Variants in TXNDC15 observed in about 807,000 individuals in gnomAD.
The protein encoded by TXNDC15 is thioredoxin domain containing 15.
Under a neutral mutation model 35.0 loss-of-function variants are expected in TXNDC15, and 24 were observed. The ratio of observed to expected loss-of-function variants is 0.68; its 90% CI spans 0.50 to 0.96. TXNDC15 has a LOEUF of 0.96. Among genes scored for constraint, TXNDC15 ranks in the 40% least tolerant of loss-of-function variants. The pLI is 0.00. For synonymous variants in TXNDC15, 169 were observed against 174.0 expected (o/e 0.97, Z 0.23); for missense variants, 385 against 453.3 (o/e 0.85, Z 1.37).
intron 4 of TXNDC15, 48 bp from the exon 5 acceptor site, chr5:134,899,441 G>A (rs1166512510): frequency 6.4e-7 from 1 of 1,550,674 alleles, no homozygotes; most frequent in Non-Finnish European, 8.8e-7. Context: ...AAAAATCTGT[G>A]GTGGGTGCTT....
At chr5:134,881,203 T>TTTATTTATTTA (rs1561897025) in intron 1 of TXNDC15, among the ~76,000 whole-genome samples, 28 of 28,908 alleles carry the variant, frequency 9.7e-4, no homozygotes, top group African/African-American at 2.9e-3. Context: ...TTATTTATTT[T>TTTATTTATTTA]TTTATTGATC....
rs1750429549 is a variant in TXNDC15, at chr5:134,893,507, C to T, written c.607C>T (p.Leu203=). 1.9e-6 allele frequency: 3 copies of T among 1,614,092 alleles called. No individual in the cohort carries two copies. The highest frequency in any genetic ancestry group is 2.5e-6 in the Non-Finnish European group (3 of 1,180,040). ...TTTACCACAGGACCTTATGGATTTT[C>T]TGAACCCAAACGGTAGTGACTGTAC... ...LNMSQDLMDF[L]NPNGSDCTLV... is the part of the protein sequence containing the mutation. The change falls in exon 3 of 5, where the codon CTG becomes TTG. Residue 203 remains leucine (L), a synonymous_variant. Transcript: ENST00000358387.
rs368839750 is a variant in TXNDC15, at chr5:134,884,347, C to G, written c.104-3348C>G. 3.8e-4 allele frequency among the ~76,000 whole-genome samples: 56 copies of G among 146,050 alleles called. No individual in the cohort carries two copies. In the East Asian group the frequency reaches 8.7e-3, roughly 23 times the overall value. On this transcript the variant is annotated intron_variant, in intron 1 of 4. Coordinates refer to ENST00000358387, the MANE Select transcript of TXNDC15 (RefSeq NM_024715.4). ...CACCACAACCTCTGCCTCCTAAGTT[C>G]AAGCGATTCTCCTGCCTCAGCCTCC...
In TXNDC15 at chr5:134,899,698, A is replaced by G; in HGVS notation, c.*13A>G. ...ACATGTGGAGTAGTGATGGTCTGAA[A>G]GAAGTTGGAAAGAGGAACTTCAATC... is the stretch of plus-strand genomic sequence containing the variant. On this transcript the variant is annotated 3_prime_UTR_variant, in exon 5 of 5. Transcript: ENST00000358387. 6.4e-7 allele frequency: 1 copy of G among 1,555,912 alleles called. No individual in the cohort carries two copies.
Sources: gnomAD v4.1 joint callset for allele counts (sites outside exome capture counted in the v4.1 genomes callset) on GRCh38, gnomAD v4.1.1 for gene constraint, MANE v1.5 for transcripts, NCBI Gene and HGNC (gene_info 2026-07-23, HGNC 2026-07-21) for gene names.